Variants in RUNX1 observed in about 807,000 individuals in gnomAD.
RUNX1 encodes the protein runt-related transcription factor 1.
A neutral mutation model predicts 42.8 loss-of-function variants in RUNX1; 19 were observed. The observed-to-expected ratio is 0.44, with a 90% CI of 0.31 to 0.65. The LOEUF (loss-of-function observed/expected upper bound fraction) is 0.65. RUNX1 is among the 30% of genes least tolerant of loss of function. RUNX1 has a pLI of 0.07. For synonymous variants in RUNX1, 271 were observed against 289.4 expected, an observed-to-expected ratio of 0.94 and a Z score of 0.64; for missense variants, 528 against 672.0, an observed-to-expected ratio of 0.79 and a Z score of 2.37.
intron 2 of RUNX1, among the ~76,000 whole-genome samples, chr21:35,001,325 TATATATATAC>T (rs2059041629): frequency 1.4e-5 from 2 of 143,174 alleles, no homozygotes; most frequent in Non-Finnish European, 3.1e-5. Flanking sequence ...TATATATATA[TATATATATAC>T]GCATATATAA....
At position 34,894,038 on chromosome 21, in the gene RUNX1, ACTTTT is replaced by A. The variant is rs542731221; in HGVS notation, c.59-1080_59-1076del. On this transcript the variant is annotated intron_variant, in intron 2 of 8. Coordinates refer to ENST00000675419, the MANE Select transcript of RUNX1 (RefSeq NM_001754.5). ...AAGTAGATAAAATGACTCCATGAAG[ACTTTT>A]CTTTTTAAAGAGCAAGGCAGAGAAC... Among the ~76,000 whole-genome samples the A allele has an allele frequency of 1.3e-3, 199 of 152,304 alleles. 1 individual carries two copies. The highest frequency in any genetic ancestry group is 4.5e-3 in the African/African-American group (187 of 41,558).
At position 34,877,745 on chromosome 21, in the gene RUNX1, C is replaced by G. The variant is rs555109099; in HGVS notation, c.508+2812G>C. Among the ~76,000 whole-genome samples, 11 of 152,300 alleles carry G rather than the reference C, an allele frequency of 7.2e-5. 1 individual carries two copies. In the South Asian group the frequency reaches 2.3e-3, roughly 32 times the overall value. ...ATGGCAGCCAGCGCCCAGATAGATT[C>G]GTTTTGTAGAACAGAGAAAAACCCT... On this transcript the variant is annotated intron_variant, in intron 5 of 8. Transcript: ENST00000675419.
At chr21:34,905,489 G>T (rs1351046379) in intron 2 of RUNX1, among the ~76,000 whole-genome samples, 3 of 152,058 alleles carry the variant, frequency 2.0e-5, no homozygotes, top group African/African-American at 7.2e-5. Context: ...TCTGATCATG[G>T]TAAACACAGA....
intron 6 of RUNX1, among the ~76,000 whole-genome samples, chr21:34,838,901 G>A (rs959056026): frequency 6.6e-6 from 1 of 151,148 alleles, no homozygotes; most frequent in Non-Finnish European, 1.5e-5. Context: ...CATACCACAT[G>A]TATATTATAT....
chr21:35,026,517 T>C (rs1367777054), intron 2 of RUNX1, among the ~76,000 whole-genome samples: 1 of 152,250 alleles, frequency 6.6e-6, no homozygotes, highest in Non-Finnish European at 1.5e-5. Context: ...TATTTCTTTC[T>C]TTCTTTTTAA....
chr21:34,814,794 C>A (rs2056802793), intron 7 of RUNX1, among the ~76,000 whole-genome samples: 1 of 152,174 alleles, frequency 6.6e-6, no homozygotes, highest in South Asian at 2.1e-4. Flanking sequence ...GGCAGGATTT[C>A]TGGGGGCCTG....
chr21:34,818,778 GC>G (rs934682428), intron 7 of RUNX1, among the ~76,000 whole-genome samples: 3 of 152,214 alleles, frequency 2.0e-5, no homozygotes, highest in African/African-American at 7.2e-5. Context: ...ATCATACCCT[GC>G]CTGTTTGGGT....
chr21:34,860,285 C>G (rs2057554373), intron 5 of RUNX1, among the ~76,000 whole-genome samples: 1 of 152,206 alleles, frequency 6.6e-6, no homozygotes, highest in Admixed American at 6.5e-5. Flanking sequence ...AGAAAATCTT[C>G]ATTGCATAGA....
At chr21:35,032,233 G>A (rs75089601) in intron 2 of RUNX1, among the ~76,000 whole-genome samples, 5,149 of 152,266 alleles carry the variant, frequency 0.034, 306 homozygotes, top group African/African-American at 0.12. Flanking sequence ...AGAGTACTGA[G>A]AATAATGGGC....
chr21:34,880,520 A>AAC, intron 5 of RUNX1, 37 bp downstream of exon 5: 1 of 1,609,722 alleles, frequency 6.2e-7, no homozygotes, highest in Non-Finnish European at 8.5e-7. Flanking sequence ...TGTTGCCATG[A>AAC]AACGTGTTTC....
At position 34,901,676 on chromosome 21, in the gene RUNX1, G is replaced by T. The variant is rs559610856; in HGVS notation, c.59-8713C>A. Reference sequence around the variant, plus strand: ...CCTTCTCCACATGCTCTTTGGTTCCGTCAGCTACAGACAGAGGTTATGTTT... The same window carrying T: ...CCTTCTCCACATGCTCTTTGGTTCCTTCAGCTACAGACAGAGGTTATGTTT... On this transcript the variant is annotated intron_variant, in intron 2 of 8. Coordinates refer to ENST00000675419, the MANE Select transcript of RUNX1 (RefSeq NM_001754.5). This position sits in a 1 kb window ranked among gnomAD's most constrained non-coding sequence, Gnocchi z 4.3. Among the ~76,000 whole-genome samples, 2 of 152,168 alleles carry T rather than the reference G, an allele frequency of 1.3e-5. No homozygotes were observed. The highest frequency in any genetic ancestry group is 2.9e-5 in the Non-Finnish European group (2 of 68,028).
intron 6 of RUNX1, among the ~76,000 whole-genome samples, chr21:34,837,065 G>C (rs1288522791): frequency 6.6e-6 from 1 of 152,186 alleles, no homozygotes; most frequent in Non-Finnish European, 1.5e-5. Context: ...GCTTTAACTT[G>C]TGAGCAATTT....
At chr21:34,893,937 T>C (rs1242347898) in intron 2 of RUNX1, among the ~76,000 whole-genome samples, 1 of 152,062 alleles carries the variant, frequency 6.6e-6, no homozygotes, top group Non-Finnish European at 1.5e-5. Context: ...AGGACTGCTC[T>C]ATGATGAAAT....
chr21:34,854,281 C>T (rs1433862858), intron 6 of RUNX1, among the ~76,000 whole-genome samples: 1 of 152,136 alleles, frequency 6.6e-6, no homozygotes, highest in Non-Finnish European at 1.5e-5. Context: ...TAAAAAGTAG[C>T]TGAGTGAAGA....
intron 5 of RUNX1, among the ~76,000 whole-genome samples, chr21:34,868,743 G>T (rs2057697737): frequency 6.6e-6 from 1 of 152,178 alleles, no homozygotes; most frequent in Non-Finnish European, 1.5e-5. Context: ...CTACTTAATT[G>T]CCATGTTCCT....
intron 5 of RUNX1, among the ~76,000 whole-genome samples, chr21:34,877,492 G>A (rs184364299): frequency 6.6e-6 from 1 of 152,186 alleles, no homozygotes; most frequent in Admixed American, 6.5e-5. Context: ...CTTTGTAAAG[G>A]AGCGGTCGAT....
chr21:34,790,451 A>G lies in RUNX1; in HGVS notation c.*1684T>C. The G allele has an allele frequency of 4.3e-6, 1 of 232,726 alleles. No homozygotes were observed. The highest frequency in any genetic ancestry group is 1.8e-4 in the South Asian group (1 of 5,528). 14.4% of individuals were successfully genotyped at this position (232,726 alleles called of 1,614,324 possible). A position where few individuals can be genotyped will look rare whatever the true frequency, so the allele number is the denominator to read the frequency against. On this transcript the variant is annotated 3_prime_UTR_variant, in exon 9 of 9. Coordinates refer to ENST00000675419, the MANE Select transcript of RUNX1 (RefSeq NM_001754.5). ...AACCACCAGATCATTTGGAGCACAC[A>G]TGTGTCAAAATCAGCAGTTAGTATT...
chr21:34,891,086 C>G (rs1601539102), intron 3 of RUNX1, among the ~76,000 whole-genome samples: 1 of 152,166 alleles, frequency 6.6e-6, no homozygotes, highest in Admixed American at 6.5e-5. Flanking sequence ...GGTCTCGGGC[C>G]GCTTGCCTAA....
At chr21:35,040,771 C>CAAAA (rs67940268) in intron 2 of RUNX1, among the ~76,000 whole-genome samples, 4 of 90,862 alleles carry the variant, frequency 4.4e-5, no homozygotes, top group South Asian at 2.8e-4. Flanking sequence ...AGACTCCATC[C>CAAAA]AAAAAAAAAA....
Sources: allele counts gnomAD v4.1 joint callset (sites outside exome capture counted in the v4.1 genomes callset), GRCh38; gene constraint gnomAD v4.1.1; non-coding constraint Gnocchi (gnomAD v3.1); transcripts MANE v1.5; gene names NCBI Gene and HGNC (gene_info 2026-07-23, HGNC 2026-07-21).